The following MYCBP2 variants were observed in gnomAD, a reference collection of about 807,000 sequenced individuals.
MYCBP2 encodes E3 ubiquitin-protein ligase MYCBP2.
Under a neutral mutation model 525.3 loss-of-function variants are expected in MYCBP2, and 120 were observed. The observed-to-expected ratio is 0.23, with a 90% confidence interval of 0.20 to 0.27. The LOEUF is 0.27. Among genes scored for constraint, MYCBP2 ranks in the 10% least tolerant of loss-of-function variants. MYCBP2 has a pLI of 1.00. For missense variants in MYCBP2, 4,149 were observed against 5,657.1 expected (o/e 0.73, Z 8.55); for synonymous variants, 1,894 against 1,955.8 (o/e 0.97, Z 0.83).
chr13:77,084,621 T>C (rs1196715663), intron 62 of MYCBP2, among the ~76,000 whole-genome samples: 1 of 152,102 alleles, frequency 6.6e-6, no homozygotes, highest in African/African-American at 2.4e-5. Context: ...TCCTTGAGTA[T>C]GGTCTTTCTG....
At chr13:77,107,499 G>A (rs1211636549) in intron 55 of MYCBP2, among the ~76,000 whole-genome samples, 1 of 152,122 alleles carries the variant, frequency 6.6e-6, no homozygotes, top group Non-Finnish European at 1.5e-5. Flanking sequence ...CACTTTGGTA[G>A]GCCAAGGCAA....
chr13:77,278,860 A>G lies in MYCBP2; in HGVS notation c.646T>C (p.Phe216Leu). ...CTGAGACACAGGGATGGATGAGAAA[A>G]TCGTGTCTCTTTGATCAATTCAAAA... is the stretch of plus-strand genomic sequence containing the variant. ...EVFELIKETRFSHPSLCLRSL... is the reference protein window; with the variant it reads ...EVFELIKETRLSHPSLCLRSL... Residue 216 changes from phenylalanine (F) to leucine (L), a missense_variant, in exon 4 of 83, where the codon TTT becomes CTT. Phe to Leu is a conservative substitution (Grantham distance 22, BLOSUM62 0). This residue lies in a region of MYCBP2 where 413 missense variants were observed against 451.2 expected (regional missense o/e 0.92). Coordinates refer to ENST00000544440, the MANE Select transcript of MYCBP2 (RefSeq NM_015057.5). 6.3e-7 allele frequency: 1 copy of G among 1,598,546 alleles called. No individual in the cohort carries two copies. Among genetic ancestry groups the G allele is most frequent in the South Asian group, 1.1e-5 (1 of 88,674 alleles).
chr13:77,209,789 A>G (rs1023072908), intron 23 of MYCBP2, among the ~76,000 whole-genome samples: 12 of 152,230 alleles, frequency 7.9e-5, no homozygotes, highest in Admixed American at 5.2e-4. Flanking sequence ...GAAGCTGGCC[A>G]GCAACCTGGG....
At chr13:77,235,443 A>G (rs998736119) in intron 17 of MYCBP2, among the ~76,000 whole-genome samples, 1 of 152,142 alleles carries the variant, frequency 6.6e-6, no homozygotes, top group Non-Finnish European at 1.5e-5. Flanking sequence ...AGTCATTAAA[A>G]ATACATGTAG....
At chr13:77,254,926 A>G (rs1302789562) in intron 14 of MYCBP2, among the ~76,000 whole-genome samples, 1 of 151,944 alleles carries the variant, frequency 6.6e-6, no homozygotes, top group African/African-American at 2.4e-5. Flanking sequence ...GCAAATAACA[A>G]TATTTCATTC....
chr13:77,323,993 A>G (rs754679623), intron 1 of MYCBP2, among the ~76,000 whole-genome samples: 49 of 151,012 alleles, frequency 3.2e-4, no homozygotes, highest in Admixed American at 8.6e-4. Context: ...TCACTTCTTC[A>G]CTCTGTCTCT....
chr13:77,191,839 A>G (rs2154259106), intron 27 of MYCBP2, 26 bp from the exon 28 acceptor site: 1 of 1,609,264 alleles, frequency 6.2e-7, no homozygotes, highest in Non-Finnish European at 8.5e-7. Flanking sequence ...TGAGTCAAAA[A>G]CAATATTTTC....
chr13:77,189,429 T>C (rs1010220125), intron 29 of MYCBP2, among the ~76,000 whole-genome samples: 4 of 152,168 alleles, frequency 2.6e-5, no homozygotes, highest in African/African-American at 9.7e-5. Flanking sequence ...TAGAGCTACA[T>C]ATTACAAACA....
chr13:77,123,322 A>G (rs1401131174), intron 54 of MYCBP2, among the ~76,000 whole-genome samples: 1 of 152,214 alleles, frequency 6.6e-6, no homozygotes, highest in Non-Finnish European at 1.5e-5. Flanking sequence ...TCTATACATC[A>G]AGAGTAAAAG....
chr13:77,190,171 T>C, intron 29 of MYCBP2, 81 bp downstream of exon 29: 1 of 804,178 alleles, frequency 1.2e-6, no homozygotes, highest in Non-Finnish European at 1.9e-6. Context: ...TTTCTCCCTA[T>C]TATGCCACGT....
intron 72 of MYCBP2, among the ~76,000 whole-genome samples, chr13:77,065,353 C>A (rs2040021948): frequency 6.6e-6 from 1 of 152,214 alleles, no homozygotes; most frequent in Non-Finnish European, 1.5e-5. Flanking sequence ...TCCCACTTCT[C>A]ATATCCACAT....
At chr13:77,249,945 C>T (rs937220495) in intron 15 of MYCBP2, among the ~76,000 whole-genome samples, 1 of 152,016 alleles carries the variant, frequency 6.6e-6, no homozygotes, top group African/African-American at 2.4e-5. Context: ...AGTTCATGGC[C>T]GGGCGCGGTG....
chr13:77,078,799 C>T (rs1306927265), intron 66 of MYCBP2, 25 bp downstream of exon 66: 2 of 1,605,090 alleles, frequency 1.2e-6, no homozygotes, highest in Non-Finnish European at 1.7e-6. Context: ...GGTAGCGAAA[C>T]ATTTAATGAC....
intron 2 of MYCBP2, among the ~76,000 whole-genome samples, chr13:77,291,994 G>A (rs2077529080): frequency 6.6e-6 from 1 of 152,188 alleles, no homozygotes; most frequent in South Asian, 2.1e-4. Flanking sequence ...TGGCCTGTCA[G>A]ACTGCTCTGC....
intron 23 of MYCBP2, among the ~76,000 whole-genome samples, chr13:77,209,424 T>C (rs900044147): frequency 6.6e-6 from 1 of 152,230 alleles, no homozygotes; most frequent in South Asian, 2.1e-4. Flanking sequence ...ATAAAACATG[T>C]AAGAACTACA....
At chr13:77,157,873 C>T in intron 45 of MYCBP2, 64 bp downstream of exon 45, 1 of 1,347,014 alleles carries the variant, frequency 7.4e-7, no homozygotes, top group Non-Finnish European at 1.0e-6. Flanking sequence ...AATGACTCCC[C>T]TCTTTCAGAA....
intron 15 of MYCBP2, among the ~76,000 whole-genome samples, chr13:77,250,095 C>T (rs570936451): frequency 1.3e-5 from 2 of 151,044 alleles, no homozygotes; most frequent in South Asian, 4.2e-4. Context: ...TAGTGGCGGG[C>T]GCCTGTAGTC....
At chr13:77,155,920 T>C (rs1251834510) in intron 46 of MYCBP2, 138 bp downstream of exon 46, 1 of 817,174 alleles carries the variant, frequency 1.2e-6, no homozygotes, top group South Asian at 2.6e-5. Flanking sequence ...AAACAAGTCA[T>C]TTAAACAAAC....
chr13:77,277,415 G>A (rs1025466250), intron 4 of MYCBP2, among the ~76,000 whole-genome samples: 1 of 152,238 alleles, frequency 6.6e-6, no homozygotes, highest in South Asian at 2.1e-4. Flanking sequence ...GTGTATGTGA[G>A]GGGGGTGGTT....
Sources: allele counts gnomAD v4.1 joint callset (sites outside exome capture counted in the v4.1 genomes callset), GRCh38; gene constraint gnomAD v4.1.1; regional missense constraint gnomAD v4.1.1; transcripts MANE v1.5; gene names NCBI Gene and HGNC (gene_info 2026-07-23, HGNC 2026-07-21).